The following CHCHD6 variants were observed in gnomAD, a reference collection of about 807,000 sequenced individuals.
CHCHD6 encodes MICOS complex subunit MIC25.
In CHCHD6, 28 loss-of-function variants were observed where a neutral mutation model predicts 32.3. That is an observed-to-expected ratio of 0.87 (90% CI 0.64 to 1.19). CHCHD6 has a LOEUF of 1.19. Among genes scored for constraint, CHCHD6 ranks in the 50% most tolerant of loss-of-function variants. The probability of loss-of-function intolerance (pLI) is 0.00; values close to 1 mark genes in which losing one functional copy is unlikely to be tolerated. For synonymous variants in CHCHD6, 122 were observed against 117.5 expected (o/e 1.04, Z -0.25); for missense variants, 333 against 307.0 (o/e 1.08, Z -0.63).
intron 1 of CHCHD6, among the ~76,000 whole-genome samples, chr3:126,717,984 C>T (rs755370346): frequency 6.6e-6 from 1 of 152,172 alleles, no homozygotes; most frequent in Non-Finnish European, 1.5e-5. Context: ...AGGTGCCAGC[C>T]AAGTGTGCCA....
chr3:126,931,545 T>C (rs558385270), intron 6 of CHCHD6, among the ~76,000 whole-genome samples: 2 of 152,194 alleles, frequency 1.3e-5, no homozygotes, highest in African/African-American at 2.4e-5. Flanking sequence ...CCAGGGCAGC[T>C]TGAGGAGCCG....
intron 5 of CHCHD6, among the ~76,000 whole-genome samples, chr3:126,867,128 G>C (rs766646773): frequency 1.3e-5 from 2 of 152,146 alleles, no homozygotes; most frequent in African/African-American, 4.8e-5. Context: ...CATGGGACCT[G>C]GTCCAGAGAA....
At chr3:126,766,291 A>G in intron 4 of CHCHD6, 1 of 319,710 alleles carries the variant, frequency 3.1e-6, no homozygotes, top group South Asian at 3.4e-5. Flanking sequence ...CACTTGTAAA[A>G]TGGAATCTTA....
At chr3:126,705,829 A>G (rs1934458621) in intron 1 of CHCHD6, among the ~76,000 whole-genome samples, 1 of 152,152 alleles carries the variant, frequency 6.6e-6, no homozygotes, top group African/African-American at 2.4e-5. Flanking sequence ...CACATTAAAA[A>G]AAAAATTGGG....
At chr3:126,833,330 G>A (rs1039123595) in intron 4 of CHCHD6, among the ~76,000 whole-genome samples, 4 of 152,134 alleles carry the variant, frequency 2.6e-5, no homozygotes, top group African/African-American at 9.7e-5. Context: ...TCCTTGGCAC[G>A]GGTACAGACA....
At chr3:126,862,158 C>CTCT (rs1428707910) in intron 5 of CHCHD6, among the ~76,000 whole-genome samples, 2 of 90,578 alleles carry the variant, frequency 2.2e-5, no homozygotes, top group Non-Finnish European at 2.2e-5. Context: ...CCACCTCCCC[C>CTCT]TCCTCCACCA....
chr3:126,931,671 A>G (rs1245987059), intron 6 of CHCHD6, among the ~76,000 whole-genome samples: 2 of 152,100 alleles, frequency 1.3e-5, no homozygotes, highest in African/African-American at 2.4e-5. Flanking sequence ...CTTGACATAC[A>G]TACCTCCCAG....
intron 4 of CHCHD6, among the ~76,000 whole-genome samples, chr3:126,772,327 T>G (rs1050779352): frequency 3.3e-5 from 5 of 152,132 alleles, no homozygotes; most frequent in Non-Finnish European, 7.3e-5. Context: ...GGTCTTGATC[T>G]CCTGACCTCG....
chr3:126,920,435 C>T (rs1481442619), intron 6 of CHCHD6, among the ~76,000 whole-genome samples: 1 of 152,066 alleles, frequency 6.6e-6, no homozygotes, highest in African/African-American at 2.4e-5. Flanking sequence ...TGACCTTCCC[C>T]AGAGATGCCT....
chr3:126,905,561 G>T (rs1046269878), intron 5 of CHCHD6, among the ~76,000 whole-genome samples: 4 of 152,114 alleles, frequency 2.6e-5, no homozygotes, highest in African/African-American at 9.7e-5. Context: ...ATGTCATGCT[G>T]CAGGAAAGGG....
At chr3:126,763,339 C>G (rs1937233758) in intron 4 of CHCHD6, among the ~76,000 whole-genome samples, 1 of 146,558 alleles carries the variant, frequency 6.8e-6, no homozygotes, top group South Asian at 2.3e-4. Flanking sequence ...CCCTCCCCCT[C>G]CTCTTTCAAC....
chr3:126,849,618 T>A (rs984042151), intron 4 of CHCHD6, among the ~76,000 whole-genome samples: 1 of 152,176 alleles, frequency 6.6e-6, no homozygotes, highest in Non-Finnish European at 1.5e-5. Flanking sequence ...ATTTCAAAAT[T>A]TTTCCCTGAA....
chr3:126,760,789 T>C (rs1937131896), intron 4 of CHCHD6, among the ~76,000 whole-genome samples: 1 of 152,190 alleles, frequency 6.6e-6, no homozygotes, highest in South Asian at 2.1e-4. Flanking sequence ...AATGCTGCTG[T>C]GAACAAGAGA....
intron 4 of CHCHD6, among the ~76,000 whole-genome samples, chr3:126,809,382 A>G (rs1206594229): frequency 1.3e-5 from 2 of 152,152 alleles, no homozygotes; most frequent in African/African-American, 4.8e-5. Flanking sequence ...CTCCTTTTAC[A>G]GTTCTTCAAA....
intron 5 of CHCHD6, among the ~76,000 whole-genome samples, chr3:126,863,392 ACCT>A (rs1387679444): frequency 1.1e-4 from 9 of 83,806 alleles, no homozygotes; most frequent in South Asian, 4.8e-4. Context: ...TACCATCACC[ACCT>A]CCTCCTCCTC....
chr3:126,865,647 GCTA>G, intron 5 of CHCHD6: 1 of 984,742 alleles, frequency 1.0e-6, no homozygotes, highest in African/African-American at 1.7e-5. Context: ...CTCTCCCACC[GCTA>G]CTACTATTAT....
At chr3:126,959,657 G>C (rs1201285708) in intron 7 of CHCHD6, among the ~76,000 whole-genome samples, 1 of 152,188 alleles carries the variant, frequency 6.6e-6, no homozygotes, top group Non-Finnish European at 1.5e-5. Flanking sequence ...GGGCAGGTAG[G>C]TGATGCCTAG....
intron 4 of CHCHD6, among the ~76,000 whole-genome samples, chr3:126,751,567 G>T (rs1291895862): frequency 6.6e-6 from 1 of 151,372 alleles, no homozygotes; most frequent in African/African-American, 2.4e-5. Flanking sequence ...TATCCTCTAG[G>T]GTAGCCCAGA....
chr3:126,731,307 G>A (rs1034167685), intron 3 of CHCHD6, among the ~76,000 whole-genome samples: 2 of 152,022 alleles, frequency 1.3e-5, no homozygotes, highest in African/African-American at 2.4e-5. Context: ...GACCCCAAGA[G>A]CTGGCCACAC....
Sources: allele counts gnomAD v4.1 joint callset (sites outside exome capture counted in the v4.1 genomes callset), GRCh38; gene constraint gnomAD v4.1.1; transcripts MANE v1.5; gene names NCBI Gene and HGNC (gene_info 2026-07-23, HGNC 2026-07-21).